IFIT1B: variants seen among roughly 807,000 people sequenced by gnomAD.
IFIT1B encodes protein IFIT1 homolog B.
A neutral mutation model predicts 2.5 loss-of-function variants in IFIT1B; 3 were observed. The observed-to-expected ratio is 1.21, with a 90% CI of 0.55 to 3.14. IFIT1B has a LOEUF of 3.14. Among genes scored for constraint, IFIT1B ranks in the 30% most tolerant of loss-of-function variants. IFIT1B has a pLI of 0.03. For synonymous variants in IFIT1B, 196 were observed against 203.0 expected (o/e 0.97, Z 0.29); for missense variants, 545 against 556.5 (o/e 0.98, Z 0.21).
Position 89,384,609 on chromosome 10 carries a change from G to C in IFIT1B, c.1296G>C (p.Gln432His). The change falls in exon 2 of 2, where the codon CAG becomes CAC. Residue 432 changes from glutamine (Q) to histidine (H), a missense_variant. Coordinates refer to ENST00000371809, the MANE Select transcript of IFIT1B (RefSeq NM_001010987.2). ...LEKLAKRCIH[Q>H]NVRVVESVSL... ...AATTGGCTAAAAGATGTATTCACCA[G>C]AATGTACGGGTTGTGGAAAGTGTCA... 1 of 1,614,174 alleles carries C rather than the reference G, an allele frequency of 6.2e-7. No individual in the cohort carries two copies. The highest frequency in any genetic ancestry group is 1.1e-5 in the South Asian group (1 of 91,086).
At chr10:89,378,232 C>A in intron 1 of IFIT1B, 92 bp downstream of exon 1, 2 of 1,276,732 alleles carry the variant, frequency 1.6e-6, no homozygotes, top group African/African-American at 1.5e-5. Flanking sequence ...CAGGCCTTCT[C>A]CTAAGGGAGC....
At position 89,384,291 on chromosome 10, in the gene IFIT1B, A is replaced by T. The variant is rs1471909737; in HGVS notation, c.978A>T (p.Ile326=). The change falls in exon 2 of 2, where the codon ATA becomes ATT. Residue 326 remains isoleucine, a synonymous_variant. Coordinates refer to ENST00000371809, the MANE Select transcript of IFIT1B (RefSeq NM_001010987.2). ...TGGACAGATTGGTTCAATTGGCTAT[A>T]TGCAAATTTGAAAAGACTATAATGT... The part of the protein sequence containing the change: ...ETVDRLVQLA[I]CKFEKTIMLK... The T allele has an allele frequency of 3.1e-6, 5 of 1,614,192 alleles. No individual in the cohort carries two copies. The highest frequency in any genetic ancestry group is 4.5e-5 in the East Asian group (2 of 44,882).
intron 1 of IFIT1B, among the ~76,000 whole-genome samples, chr10:89,380,047 A>C (rs958083429): frequency 1.3e-5 from 2 of 152,090 alleles, no homozygotes; most frequent in Admixed American, 6.5e-5. Context: ...AAAAAAAAAA[A>C]AACAAAAGGT....
At position 89,384,331 on chromosome 10, in the gene IFIT1B, G is replaced by C. The variant is rs764591858; in HGVS notation, c.1018G>C (p.Glu340Gln). ...EKTIMLKRTF[E>Q]MAYVDLAETY... ...GACTATAATGTTAAAGCGAACATTTGAGATGGCCTATGTTGACCTGGCTGA... is the reference window on the plus strand; with the variant it reads ...GACTATAATGTTAAAGCGAACATTTCAGATGGCCTATGTTGACCTGGCTGA... The change falls in exon 2 of 2, where the codon GAG (glutamate) becomes CAG (glutamine). Residue 340 changes from glutamate to glutamine, a missense_variant. Glu to Gln is a conservative substitution (Grantham distance 29). Coordinates refer to ENST00000371809, the MANE Select transcript of IFIT1B (RefSeq NM_001010987.2). 2 of 1,614,210 alleles carry C rather than the reference G, an allele frequency of 1.2e-6. No homozygotes were observed. Among genetic ancestry groups the C allele is most frequent in the South Asian group, 2.2e-5 (2 of 91,084 alleles).
chr10:89,378,524 C>G (rs896422894), intron 1 of IFIT1B, among the ~76,000 whole-genome samples: 1 of 152,158 alleles, frequency 6.6e-6, no homozygotes, highest in Non-Finnish European at 1.5e-5. Context: ...GTGAAAAAAT[C>G]ACTGACAACC....
rs929259756 is a variant in IFIT1B at position 89,385,141 on chromosome 10, T to G, written c.*403T>G. ...TGGAATGCTGACTCCAGTCATTAGGTGTCTGTATTTCCTGAGTGGTTACCC... is the reference window on the plus strand; with the variant it reads ...TGGAATGCTGACTCCAGTCATTAGGGGTCTGTATTTCCTGAGTGGTTACCC... On this transcript the variant is annotated 3_prime_UTR_variant, in exon 2 of 2. Coordinates refer to ENST00000371809, the MANE Select transcript of IFIT1B (RefSeq NM_001010987.2). 1 of 162,630 alleles carries G rather than the reference T, an allele frequency of 6.1e-6. No individual in the cohort carries two copies. The highest frequency in any genetic ancestry group is 1.3e-5 in the Non-Finnish European group (1 of 74,364). The allele number at this position is 162,630 out of a possible 1,614,324, so 10.1% of individuals were successfully genotyped here.
Position 89,385,152 on chromosome 10 carries a change from C to T in IFIT1B, c.*414C>T, listed in dbSNP as rs10887951. 13,515 of 160,400 alleles carry T rather than the reference C, an allele frequency of 0.084. 1,524 individuals are homozygous for T. Among genetic ancestry groups the T allele is most frequent in the African/African-American group, 0.26 (10,823 of 41,668 alleles). 9.9% of individuals were successfully genotyped at this position (160,400 alleles called of 1,614,324 possible). On this transcript the variant is annotated 3_prime_UTR_variant, in exon 2 of 2. Coordinates refer to ENST00000371809, the MANE Select transcript of IFIT1B (RefSeq NM_001010987.2). ...CTCCAGTCATTAGGTGTCTGTATTT[C>T]CTGAGTGGTTACCCTCAAGCTTTGT...
chr10:89,382,998 A>C (rs1410116701), intron 1 of IFIT1B, among the ~76,000 whole-genome samples: 1 of 152,244 alleles, frequency 6.6e-6, no homozygotes, highest in East Asian at 1.9e-4. Context: ...GTCAGGAGGA[A>C]GCAGAAAGAA....
chr10:89,383,686 T>A lies in IFIT1B; in HGVS notation c.373T>A (p.Cys125Ser). The A allele has an allele frequency of 6.2e-7, 1 of 1,614,228 alleles. No homozygotes were observed. Among genetic ancestry groups the A allele is most frequent in the African/African-American group, 1.3e-5 (1 of 75,062 alleles). ...TTACCTGGACAAGGTGGAGAACACT[T>A]GCAAGAAGTTTGCAAATCCTTCCCG... The part of the protein sequence containing the change: ...QTYLDKVENT[C>S]KKFANPSRYR... The change falls in exon 2 of 2, where the codon TGC becomes AGC. Residue 125 changes from cysteine (C) to serine (S), a missense_variant. Coordinates refer to ENST00000371809, the MANE Select transcript of IFIT1B (RefSeq NM_001010987.2).
chr10:89,379,170 G>T (rs1028476899), intron 1 of IFIT1B, among the ~76,000 whole-genome samples: 1 of 152,174 alleles, frequency 6.6e-6, no homozygotes, highest in East Asian at 1.9e-4. Context: ...TGTGATTACT[G>T]TGAAACTATG....
rs1589628504 is a variant in IFIT1B at position 89,384,183 on chromosome 10, A to G, written c.870A>G (p.Gln290=). 6.2e-7 allele frequency: 1 copy of G among 1,614,180 alleles called. No individual in the cohort carries two copies. Among genetic ancestry groups the G allele is most frequent in the South Asian group, 1.1e-5 (1 of 91,088 alleles). The change falls in exon 2 of 2, where the codon CAA becomes CAG. Residue 290 remains glutamine (Q), a synonymous_variant. Transcript: ENST00000371809. ...CCACTTCTGCCTTCCTGCATCACCA[A>G]ATGGGGCTTTGCTACAGGGCACAAA... is the stretch of plus-strand genomic sequence containing the variant. ...TTPTSAFLHH[Q]MGLCYRAQMI...
rs74146921 is a variant in IFIT1B at position 89,383,617 on chromosome 10, G to C, written c.304G>C (p.Ala102Pro). The change falls in exon 2 of 2, where the codon GCC (alanine) becomes CCC (proline). Residue 102 changes from alanine (A) to proline (P), a missense_variant. By Grantham distance (27) the Ala-to-Pro change is conservative (BLOSUM62 -1). Coordinates refer to ENST00000371809, the MANE Select transcript of IFIT1B (RefSeq NM_001010987.2). ...IRSLVTWGNF[A>P]WVYYHMGRLA... ...AAGTCTGGTGACCTGGGGCAACTTT[G>C]CCTGGGTGTATTACCACATGGGCAG... 1 of 1,614,210 alleles carries C rather than the reference G, an allele frequency of 6.2e-7. No individual in the cohort carries two copies. The highest frequency in any genetic ancestry group is 8.5e-7 in the Non-Finnish European group (1 of 1,180,042).
Position 89,384,190 on chromosome 10 carries a change from C to T in IFIT1B, c.877C>T (p.Leu293Phe). Residue 293 changes from leucine to phenylalanine, a missense_variant, in exon 2 of 2, where the codon CTT becomes TTT. Transcript: ENST00000371809. The stretch of plus-strand genomic sequence containing the variant: ...TGCCTTCCTGCATCACCAAATGGGG[C>T]TTTGCTACAGGGCACAAATGATCCA... Reference protein sequence around the residue: ...TSAFLHHQMGLCYRAQMIQIK... With the variant: ...TSAFLHHQMGFCYRAQMIQIK... 1 of 1,614,140 alleles carries T rather than the reference C, an allele frequency of 6.2e-7. No individual in the cohort carries two copies. Among genetic ancestry groups the T allele is most frequent in the Non-Finnish European group, 8.5e-7 (1 of 1,180,008 alleles).
chr10:89,383,100 CCTAT>C (rs571235352), intron 1 of IFIT1B, among the ~76,000 whole-genome samples: 24 of 152,302 alleles, frequency 1.6e-4, no homozygotes, highest in African/African-American at 5.5e-4. Flanking sequence ...CTTCATGTAA[CCTAT>C]CTGTTGGCAC....
rs1467387948 is a variant in IFIT1B at position 89,383,934 on chromosome 10, A to G, written c.621A>G (p.Lys207=). 1 of 1,614,178 alleles carries G rather than the reference A, an allele frequency of 6.2e-7. No homozygotes were observed. Residue 207 remains lysine (K), a synonymous_variant, in exon 2 of 2, where the codon AAA becomes AAG. Transcript: ENST00000371809. ...AGGCATTTTCTCTGCACGTCCTAAA[A>G]CGAGCTGTCAGGCTAAATCCAGATG... ...RNKAFSLHVL[K]RAVRLNPDDV... is the part of the protein sequence containing the mutation.
rs1472244740 is a variant in IFIT1B at position 89,384,276 on chromosome 10, G to A, written c.963G>A (p.Leu321=). The change falls in exon 2 of 2, where the codon TTG becomes TTA. Residue 321 remains leucine, a synonymous_variant. Transcript: ENST00000371809. ...AAGATAGGGAAACTGTGGACAGATT[G>A]GTTCAATTGGCTATATGCAAATTTG... ...RGQDRETVDR[L]VQLAICKFEK... is the part of the protein sequence containing the mutation. 1 of 1,614,048 alleles carries A rather than the reference G, an allele frequency of 6.2e-7. No individual in the cohort carries two copies. Among genetic ancestry groups the A allele is most frequent in the African/African-American group, 1.3e-5 (1 of 74,936 alleles).
chr10:89,380,131 A>C (rs1464339006), intron 1 of IFIT1B, among the ~76,000 whole-genome samples: 1 of 152,010 alleles, frequency 6.6e-6, no homozygotes, highest in South Asian at 2.1e-4. Context: ...TAGCTAGTCT[A>C]TGTGAGAGGT....
intron 1 of IFIT1B, among the ~76,000 whole-genome samples, chr10:89,382,659 G>C (rs973646833): frequency 6.6e-6 from 1 of 152,154 alleles, no homozygotes; most frequent in African/African-American, 2.4e-5. Context: ...GTTCATTCAT[G>C]CCTCTTCTTC....
rs117981517 is a variant in IFIT1B, at chr10:89,378,789, C to T, written c.5+649C>T. ...GTTTCCTAACTCCTGTTACAGAGCTCGCTTAGTAAGGGTAGCTGGCTTAAT... is the reference window on the plus strand; with the variant it reads ...GTTTCCTAACTCCTGTTACAGAGCTTGCTTAGTAAGGGTAGCTGGCTTAAT... On this transcript the variant is annotated intron_variant, in intron 1 of 1. Coordinates refer to ENST00000371809, the MANE Select transcript of IFIT1B (RefSeq NM_001010987.2). Among the ~76,000 whole-genome samples, 665 of 152,320 alleles carry T rather than the reference C, an allele frequency of 4.4e-3. 2 individuals are homozygous for T. The highest frequency in any genetic ancestry group is 7.5e-3 in the Non-Finnish European group (507 of 68,030).
Sources: allele counts gnomAD v4.1 joint callset (sites outside exome capture counted in the v4.1 genomes callset), GRCh38; gene constraint gnomAD v4.1.1; transcripts MANE v1.5; gene names NCBI Gene and HGNC (gene_info 2026-07-23, HGNC 2026-07-21).